ZNF26: variants seen among roughly 807,000 people sequenced by gnomAD.
The protein encoded by ZNF26 is zinc finger protein 26.
In ZNF26, 32 loss-of-function variants were observed where a neutral mutation model predicts 54.9. That is an observed-to-expected ratio of 0.58 (90% CI 0.44 to 0.78). The LOEUF (loss-of-function observed/expected upper bound fraction) is 0.78. ZNF26 is among the 30% of genes least tolerant of loss of function. The pLI is 0.00. For synonymous variants in ZNF26, 221 were observed against 209.2 expected, an observed-to-expected ratio of 1.06 and a Z score of -0.49; for missense variants, 524 against 634.0, an observed-to-expected ratio of 0.83 and a Z score of 1.86.
intron 3 of ZNF26, among the ~76,000 whole-genome samples, chr12:133,008,872 G>T (rs1473555816): frequency 6.6e-6 from 1 of 152,076 alleles, no homozygotes; most frequent in Non-Finnish European, 1.5e-5. Flanking sequence ...TGGGAAGCAT[G>T]GCAGCCTTTG....
In ZNF26 at chr12:132,989,028, A is replaced by ATTTTTTTTTTTTTTTTTTTTTTT. The variant is rs150395603; in HGVS notation, c.33+2161_33+2183dup. On this transcript the variant is annotated intron_variant, in intron 1 of 3. Coordinates refer to ENST00000328654, the MANE Select transcript of ZNF26 (RefSeq NM_019591.4). ...TGTAGTTCCAGGAGTCTTTCGGTGA[A>ATTTTTTTTTTTTTTTTTTTTTTT]TTTTTTTTTTTTTTTTTTTTTTTTT... Among the ~76,000 whole-genome samples the ATTTTTTTTTTTTTTTTTTTTTTT allele has an allele frequency of 1.1e-4, 9 of 78,826 alleles. 4 individuals carry two copies. Among genetic ancestry groups the ATTTTTTTTTTTTTTTTTTTTTTT allele is most frequent in the Non-Finnish European group, 1.1e-4 (5 of 43,930 alleles). 51.7% of individuals were successfully genotyped at this position (78,826 alleles called of 152,430 possible). A position where few individuals can be genotyped will look rare whatever the true frequency, so the allele number is the denominator to read the frequency against.
In ZNF26 at chr12:133,020,129, C is replaced by T. The variant is rs1188926823; in HGVS notation, c.*8648C>T. 6.6e-6 allele frequency: 1 copy of T among 151,822 alleles called. No homozygotes were observed. Among genetic ancestry groups the T allele is most frequent in the Non-Finnish European group, 1.5e-5 (1 of 67,992 alleles). 9.4% of individuals were successfully genotyped at this position (151,822 alleles called of 1,614,324 possible). On this transcript the variant is annotated 3_prime_UTR_variant, in exon 4 of 4. Coordinates refer to ENST00000328654, the MANE Select transcript of ZNF26 (RefSeq NM_019591.4). ...AAACAAAAAAAAAATCAGAGCCCATCAACAAATGGATAAAGAAAGTGTGAT... is the reference window on the plus strand; with the variant it reads ...AAACAAAAAAAAAATCAGAGCCCATTAACAAATGGATAAAGAAAGTGTGAT...
In ZNF26 at chr12:132,986,873, G is replaced by C; in HGVS notation, c.33G>C (p.Trp11Cys). MATSFRTASC[W>C]GLLSFKDISM... is the part of the protein sequence containing the mutation. ...CCAGTTTCCGGACAGCTTCGTGCTGGGTAAGTAGAGACTTTCCGTGTTTAA... is the reference window on the plus strand; with the variant it reads ...CCAGTTTCCGGACAGCTTCGTGCTGCGTAAGTAGAGACTTTCCGTGTTTAA... Residue 11 changes from tryptophan (W) to cysteine (C), a missense_variant and splice_region_variant, in exon 1 of 4, where the codon TGG becomes TGC. Transcript: ENST00000328654. The C allele has an allele frequency of 6.2e-7, 1 of 1,606,248 alleles. No homozygotes were observed. The highest frequency in any genetic ancestry group is 8.5e-7 in the Non-Finnish European group (1 of 1,176,414).
chr12:132,991,644 A>G (rs371807463), intron 1 of ZNF26, among the ~76,000 whole-genome samples: 1 of 31,334 alleles, frequency 3.2e-5, no homozygotes, highest in Non-Finnish European at 1.1e-4. Context: ...AAAAAAAAAA[A>G]CCTAAAAAAA....
At chr12:132,996,892 T>TTTTTG (rs61558774) in intron 1 of ZNF26, among the ~76,000 whole-genome samples, 18,779 of 151,420 alleles carry the variant, frequency 0.12, 1,232 homozygotes, top group South Asian at 0.21. Context: ...TTCTCATGGT[T>TTTTTG]TTTTGTTTTG....
chr12:133,006,848 C>A, intron 1 of ZNF26, 194 bp from the exon 2 acceptor site: 1 of 625,888 alleles, frequency 1.6e-6, no homozygotes, highest in Non-Finnish European at 2.7e-6. Flanking sequence ...CCGCCTTGGC[C>A]TCCGAAAGTG....
chr12:133,012,380 C>T lies in ZNF26; in HGVS notation c.*899C>T, dbSNP rs1383843663. ...TAATCTCTTTTTCAGAATTTTGAGT[C>T]TGTAATTCATTTGTACATGAACCAG... On this transcript the variant is annotated 3_prime_UTR_variant, in exon 4 of 4. Transcript: ENST00000328654. 1 of 152,072 alleles carries T rather than the reference C, an allele frequency of 6.6e-6. No individual in the cohort carries two copies. Among genetic ancestry groups the T allele is most frequent in the African/African-American group, 2.4e-5 (1 of 41,408 alleles). The allele number at this position is 152,072 out of a possible 1,614,324, so 9.4% of individuals were successfully genotyped here.
In ZNF26 at chr12:133,010,666, T is replaced by G; in HGVS notation, c.787T>G (p.Cys263Gly). 1 of 1,614,180 alleles carries G rather than the reference T, an allele frequency of 6.2e-7. No individual in the cohort carries two copies. The highest frequency in any genetic ancestry group is 8.5e-7 in the Non-Finnish European group (1 of 1,180,050). The part of the protein sequence containing the change: ...TGGKPYGCSE[C>G]GKAYSWKSQL... ...AGGGAAACCCTATGGCTGCAGTGAA[T>G]GTGGGAAAGCCTACAGTTGGAAATC... Residue 263 changes from cysteine to glycine, a missense_variant, in exon 4 of 4, where the codon TGT (cysteine) becomes GGT (glycine). Coordinates refer to ENST00000328654, the MANE Select transcript of ZNF26 (RefSeq NM_019591.4).
rs1213622882 is a variant in ZNF26 at position 133,014,591 on chromosome 12, G to A, written c.*3110G>A. 6.7e-6 allele frequency: 1 copy of A among 148,936 alleles called. No individual in the cohort carries two copies. Among genetic ancestry groups the A allele is most frequent in the African/African-American group, 2.5e-5 (1 of 40,370 alleles). The allele number at this position is 148,936 out of a possible 1,614,324, so 9.2% of individuals were successfully genotyped here. A position where few individuals can be genotyped will look rare whatever the true frequency, so the allele number is the denominator to read the frequency against. Reference sequence around the variant, plus strand: ...AGACGGAGTCTTGTTCTGTCACCCAGGCTGGAGTGAATTGCACAATCTCGG... The same window carrying A: ...AGACGGAGTCTTGTTCTGTCACCCAAGCTGGAGTGAATTGCACAATCTCGG... On this transcript the variant is annotated 3_prime_UTR_variant, in exon 4 of 4. Transcript: ENST00000328654.
rs1325714083 is a variant in ZNF26, at chr12:133,024,619, G to A, written c.*13138G>A. 1 of 152,160 alleles carries A rather than the reference G, an allele frequency of 6.6e-6. No individual in the cohort carries two copies. Among genetic ancestry groups the A allele is most frequent in the Non-Finnish European group, 1.5e-5 (1 of 68,030 alleles). 9.4% of individuals were successfully genotyped at this position (152,160 alleles called of 1,614,324 possible). ...CAGGGAAAAGATGTAATCCAAGGCT[G>A]GCTATAATACCCTTATGTAAGATTC... On this transcript the variant is annotated 3_prime_UTR_variant, in exon 4 of 4. Transcript: ENST00000328654.
intron 1 of ZNF26, among the ~76,000 whole-genome samples, chr12:132,991,403 CAGG>C (rs1430697084): frequency 6.6e-6 from 1 of 151,788 alleles, no homozygotes; most frequent in African/African-American, 2.4e-5. Context: ...GAGGCTGAGG[CAGG>C]AGAATCGCTT....
intron 1 of ZNF26, among the ~76,000 whole-genome samples, chr12:132,999,084 T>G (rs1014463236): frequency 2.0e-5 from 3 of 152,142 alleles, no homozygotes; most frequent in Non-Finnish European, 4.4e-5. Context: ...AAGCAGCTCT[T>G]TGTCAGTCAG....
At chr12:132,991,368 C>T (rs1167275994) in intron 1 of ZNF26, among the ~76,000 whole-genome samples, 2 of 151,590 alleles carry the variant, frequency 1.3e-5, no homozygotes, top group Non-Finnish European at 2.9e-5. Flanking sequence ...CATGGTGGCA[C>T]ACACCTGTAA....
At chr12:133,007,729 C>T (rs1953361831) in intron 3 of ZNF26, among the ~76,000 whole-genome samples, 197 bp downstream of exon 3, 1 of 152,124 alleles carries the variant, frequency 6.6e-6, no homozygotes, top group East Asian at 1.9e-4. Flanking sequence ...TTTTCTTCCC[C>T]CTTACTGTTG....
At chr12:132,987,296 A>G (rs1952843408) in intron 1 of ZNF26, among the ~76,000 whole-genome samples, 1 of 152,136 alleles carries the variant, frequency 6.6e-6, no homozygotes, top group African/African-American at 2.4e-5. Flanking sequence ...TGCAGAGATA[A>G]ATTATGTATG....
At chr12:133,000,587 G>A (rs922995005) in intron 1 of ZNF26, among the ~76,000 whole-genome samples, 5 of 151,948 alleles carry the variant, frequency 3.3e-5, no homozygotes, top group Non-Finnish European at 7.4e-5. Flanking sequence ...ACCACACCCA[G>A]CTAATTTTTT....
In ZNF26 at chr12:133,017,429, C is replaced by A. The variant is rs941325178; in HGVS notation, c.*5948C>A. ...GCTTAGTGGCAGTACTTGACAAGCA[C>A]AGGGCACCGTCCTCCAAGATGCAGT... On this transcript the variant is annotated 3_prime_UTR_variant, in exon 4 of 4. Transcript: ENST00000328654. 1 of 152,282 alleles carries A rather than the reference C, an allele frequency of 6.6e-6. No homozygotes were observed. The highest frequency in any genetic ancestry group is 6.5e-5 in the Admixed American group (1 of 15,294). 9.4% of individuals were successfully genotyped at this position (152,282 alleles called of 1,614,324 possible).
chr12:132,991,412 C>T (rs11608558), intron 1 of ZNF26, among the ~76,000 whole-genome samples: 72,304 of 151,412 alleles, frequency 0.48, 18,779 homozygotes, highest in East Asian at 0.73. Context: ...GCAGGAGAAT[C>T]GCTTGAACTC....
At chr12:132,996,992 AGGT>A (rs1953099713) in intron 1 of ZNF26, among the ~76,000 whole-genome samples, 1 of 152,226 alleles carries the variant, frequency 6.6e-6, no homozygotes, top group Non-Finnish European at 1.5e-5. Context: ...TGGCAAGACA[AGGT>A]GGTGGATCCC....
Sources: allele counts gnomAD v4.1 joint callset (sites outside exome capture counted in the v4.1 genomes callset), GRCh38; gene constraint gnomAD v4.1.1; transcripts MANE v1.5; gene names NCBI Gene and HGNC (gene_info 2026-07-23, HGNC 2026-07-21).